The following WDTC1 variants were observed in gnomAD, a reference collection of about 807,000 sequenced individuals.
WDTC1 encodes WD and tetratricopeptide repeats protein 1.
A neutral mutation model predicts 76.0 loss-of-function variants in WDTC1; 12 were observed. The observed-to-expected ratio is 0.16, with a 90% CI of 0.10 to 0.26. The LOEUF (loss-of-function observed/expected upper bound fraction) is 0.26. Ranked by LOEUF, WDTC1 falls within the 10% of genes least tolerant of loss-of-function variation. The pLI is 1.00. For missense variants in WDTC1, 511 were observed against 908.8 expected (o/e 0.56, Z 5.63); for synonymous variants, 326 against 350.8 (o/e 0.93, Z 0.79).
chr1:27,289,850 C>T (rs991571603), intron 6 of WDTC1, among the ~76,000 whole-genome samples: 2 of 152,298 alleles, frequency 1.3e-5, no homozygotes, highest in Admixed American at 1.3e-4. Context: ...TCAGGCGTGG[C>T]GGCACGCGCC....
intron 1 of WDTC1, among the ~76,000 whole-genome samples, chr1:27,257,606 TCTGATGGCCAAAGACTC>T (rs2012326193): frequency 2.0e-5 from 3 of 152,156 alleles, no homozygotes; most frequent in Non-Finnish European, 2.9e-5. Context: ...ACATTTTTAA[TCTGATGGCCAAAGACTC>T]CTGCAAAAAT....
rs181917134 is a variant in WDTC1 at position 27,278,913 on chromosome 1, A to C, written c.133-3326A>C. Among the ~76,000 whole-genome samples, 27 of 152,188 alleles carry C rather than the reference A, an allele frequency of 1.8e-4. No individual in the cohort carries two copies. In the East Asian group the frequency reaches 2.5e-3, roughly 14 times the overall value. ...CCCCGTCTCAACTAAAAATACAAAA[A>C]TTAGCCAGGTGCAGTGATGTGTGCT... On this transcript the variant is annotated intron_variant, in intron 3 of 15. Transcript: ENST00000319394.
chr1:27,258,529 CAAAA>C (rs113977595), intron 1 of WDTC1, among the ~76,000 whole-genome samples: 1 of 122,122 alleles, frequency 8.2e-6, no homozygotes, highest in Non-Finnish European at 1.6e-5. Flanking sequence ...AAGACTCTGC[CAAAA>C]AAAAAAAAGA....
At position 27,263,064 on chromosome 1, in the gene WDTC1, C is replaced by T. The variant is rs2012534272; in HGVS notation, c.49-88C>T. 11 of 1,412,176 alleles carry T rather than the reference C, an allele frequency of 7.8e-6. No homozygotes were observed. In the South Asian group the frequency reaches 1.3e-4, roughly 17 times the overall value. The allele number at this position is 1,412,176 out of a possible 1,614,324, so 87.5% of individuals were successfully genotyped here. A position where few individuals can be genotyped will look rare whatever the true frequency, so the allele number is the denominator to read the frequency against. On this transcript the variant is annotated intron_variant, in intron 2 of 15. Coordinates refer to ENST00000319394, the MANE Select transcript of WDTC1 (RefSeq NM_001276252.2). ...GTTGTCTTCTTTAGCTCCTGTGGTG[C>T]CCAGGAAAGAGCTGGATATATAATA...
chr1:27,257,979 C>T (rs905641465), intron 1 of WDTC1, among the ~76,000 whole-genome samples: 6 of 151,932 alleles, frequency 3.9e-5, no homozygotes, highest in Admixed American at 2.0e-4. Context: ...TTAGTAGAGA[C>T]GGGGTTTCAC....
At chr1:27,264,075 G>A (rs930273841) in intron 3 of WDTC1, among the ~76,000 whole-genome samples, 13 of 151,500 alleles carry the variant, frequency 8.6e-5, no homozygotes, top group Non-Finnish European at 1.9e-4. Context: ...GATCACTTGA[G>A]GTCAGGAGTT....
intron 11 of WDTC1, among the ~76,000 whole-genome samples, 200 bp downstream of exon 11, chr1:27,297,356 C>G (rs1261244132): frequency 6.6e-6 from 1 of 152,220 alleles, no homozygotes; most frequent in African/African-American, 2.4e-5. Context: ...TAGTCATGGT[C>G]AGACTGTAGC....
chr1:27,291,358 A>C (rs889843348), intron 6 of WDTC1, among the ~76,000 whole-genome samples: 2 of 152,268 alleles, frequency 1.3e-5, no homozygotes, highest in African/African-American at 4.8e-5. Context: ...AAAAGTATTG[A>C]GGAATCTCTG....
In WDTC1 at chr1:27,306,344, G is replaced by C. The variant is rs1570992915; in HGVS notation, c.1995G>C (p.Glu665Asp). The C allele has an allele frequency of 6.2e-7, 1 of 1,613,670 alleles. No individual in the cohort carries two copies. Among genetic ancestry groups the C allele is most frequent in the Non-Finnish European group, 8.5e-7 (1 of 1,180,002 alleles). Residue 665 changes from glutamate to aspartate, a missense_variant, in exon 16 of 16, where the codon GAG becomes GAC. Physicochemically the swap from Glu to Asp is conservative, Grantham distance 45. Coordinates refer to ENST00000319394, the MANE Select transcript of WDTC1 (RefSeq NM_001276252.2). The surrounding 1 kb of genome is among the most constrained non-coding windows in gnomAD (Gnocchi z 5.0). ...SSGGAGASDD[E>D]DSSEGQVQCR... ...GGGGTGCCGGGGCCTCTGATGATGAGGACAGCTCTGAGGGCCAGGTGCAGT... is the reference window on the plus strand; with the variant it reads ...GGGGTGCCGGGGCCTCTGATGATGACGACAGCTCTGAGGGCCAGGTGCAGT...
chr1:27,278,024 G>T (rs1460322150), intron 3 of WDTC1, among the ~76,000 whole-genome samples: 3 of 151,994 alleles, frequency 2.0e-5, no homozygotes, highest in African/African-American at 7.2e-5. Context: ...TTGTGTTTTA[G>T]TAGAGATGGG....
At chr1:27,248,979 A>G (rs1570940323) in intron 1 of WDTC1, among the ~76,000 whole-genome samples, 3 of 152,060 alleles carry the variant, frequency 2.0e-5, no homozygotes, top group South Asian at 2.1e-4. Context: ...AAAAGAAACC[A>G]TATCCCGGCC....
intron 1 of WDTC1, among the ~76,000 whole-genome samples, chr1:27,237,035 A>G (rs1415005348): frequency 6.6e-6 from 1 of 152,080 alleles, no homozygotes; most frequent in Admixed American, 6.5e-5. Context: ...ATGGGGTTTC[A>G]CCATCTTGGC....
chr1:27,301,145 C>T lies in WDTC1; in HGVS notation c.1233-81C>T. The stretch of plus-strand genomic sequence containing the variant: ...TGTCAGTGGTGGGCTGGGGTGGCCA[C>T]AGGAAGCAGAGGAGACTGAATGGGG... On this transcript the variant is annotated intron_variant, in intron 12 of 15. Transcript: ENST00000319394. The surrounding 1 kb of genome is among the most constrained non-coding windows in gnomAD (Gnocchi z 5.8). 7.7e-7 allele frequency: 1 copy of T among 1,297,042 alleles called. No homozygotes were observed. The highest frequency in any genetic ancestry group is 1.1e-6 in the Non-Finnish European group (1 of 919,734). The allele number at this position is 1,297,042 out of a possible 1,614,324, so 80.3% of individuals were successfully genotyped here.
chr1:27,292,126 T>A, intron 6 of WDTC1, 89 bp from the exon 7 acceptor site: 1 of 1,338,584 alleles, frequency 7.5e-7, no homozygotes, highest in Non-Finnish European at 1.0e-6. Flanking sequence ...TCCCTCCCAA[T>A]CCTCTTGCAT....
At chr1:27,292,910 C>A (rs1479885075) in intron 7 of WDTC1, among the ~76,000 whole-genome samples, 1 of 150,490 alleles carries the variant, frequency 6.6e-6, no homozygotes, top group Admixed American at 6.6e-5. Flanking sequence ...TGCCACCACA[C>A]CTGGCTAATT....
rs1286010003 is a variant in WDTC1 at position 27,234,671 on chromosome 1, CAG to C, written c.-377_-376del. The C allele has an allele frequency of 7.6e-6, 3 of 397,050 alleles. No homozygotes were observed. Among genetic ancestry groups the C allele is most frequent in the Admixed American group, 4.4e-5 (1 of 22,628 alleles). 24.6% of individuals were successfully genotyped at this position (397,050 alleles called of 1,614,324 possible). Reference sequence around the variant, plus strand: ...TCCCCAGACAGCTGGAGGAGATAAACAGAGGAGGAGGAGGGAGGGGAGTGCGT... The same window carrying C: ...TCCCCAGACAGCTGGAGGAGATAAACAGGAGGAGGAGGGAGGGGAGTGCGT... On this transcript the variant is annotated 5_prime_UTR_variant, in exon 1 of 16. Transcript: ENST00000319394.
intron 1 of WDTC1, among the ~76,000 whole-genome samples, chr1:27,253,156 G>A (rs182211805): frequency 4.0e-4 from 60 of 151,692 alleles, no homozygotes; most frequent in Non-Finnish European, 7.1e-4. Flanking sequence ...CTACAGGCAC[G>A]TGCCACCACA....
At chr1:27,300,098 C>CCCCA (rs2013794338) in intron 12 of WDTC1, among the ~76,000 whole-genome samples, 1 of 152,176 alleles carries the variant, frequency 6.6e-6, no homozygotes, top group East Asian at 1.9e-4. Context: ...TCCTGCCTGC[C>CCCCA]CCCACATGGG....
chr1:27,236,920 C>T (rs1278356486), intron 1 of WDTC1, among the ~76,000 whole-genome samples: 1 of 152,156 alleles, frequency 6.6e-6, no homozygotes, highest in Non-Finnish European at 1.5e-5. Flanking sequence ...CTCACTGCAA[C>T]CTCAGCCTCC....
Sources: gnomAD v4.1 joint callset for allele counts (sites outside exome capture counted in the v4.1 genomes callset) on GRCh38, gnomAD v4.1.1 for gene constraint, Gnocchi (gnomAD v3.1) non-coding constraint, MANE v1.5 for transcripts, NCBI Gene and HGNC (gene_info 2026-07-23, HGNC 2026-07-21) for gene names.